The following XIRP2 variants were observed in gnomAD, a reference collection of about 807,000 sequenced individuals.
XIRP2 encodes xin actin binding repeat containing 2, also known as xin actin-binding repeat-containing protein 2.
In XIRP2, 236 loss-of-function variants were observed where a neutral mutation model predicts 277.0. The observed-to-expected ratio is 0.85, with a 90% CI of 0.77 to 0.95. The LOEUF is 0.95. Ranked by LOEUF, XIRP2 falls within the 40% of genes least tolerant of loss-of-function variation. XIRP2 has a pLI of 0.00. For missense variants in XIRP2, 4,640 were observed against 4,157.5 expected (o/e 1.12, Z -3.19); for synonymous variants, 1,490 against 1,416.5 (o/e 1.05, Z -1.17).
intron 2 of XIRP2, among the ~76,000 whole-genome samples, chr2:167,103,784 A>G (rs1445457126): frequency 6.6e-6 from 1 of 152,180 alleles, no homozygotes; most frequent in Non-Finnish European, 1.5e-5. Flanking sequence ...CCAGATTTGT[A>G]AAAACTCATG....
At chr2:166,986,436 T>C (rs1353199628) in intron 2 of XIRP2, among the ~76,000 whole-genome samples, 1 of 152,218 alleles carries the variant, frequency 6.6e-6, no homozygotes, top group African/African-American at 2.4e-5. Context: ...AAACTTGCAA[T>C]GTGGAATATT....
At chr2:167,162,082 C>T (rs1412075570) in intron 3 of XIRP2, among the ~76,000 whole-genome samples, 5 of 152,190 alleles carry the variant, frequency 3.3e-5, no homozygotes, top group Non-Finnish European at 7.3e-5. Flanking sequence ...AGTTTCTCAT[C>T]TACATCTGAG....
chr2:167,170,976 T>C (rs888784423), intron 3 of XIRP2, among the ~76,000 whole-genome samples: 2 of 146,076 alleles, frequency 1.4e-5, no homozygotes, highest in Non-Finnish European at 3.0e-5. Flanking sequence ...CTCAGCTCAC[T>C]GCACCCTCCG....
intron 2 of XIRP2, among the ~76,000 whole-genome samples, chr2:166,928,248 C>T (rs900160448): frequency 2.0e-5 from 3 of 151,974 alleles, no homozygotes; most frequent in Non-Finnish European, 4.4e-5. Context: ...AATGCAAAAC[C>T]GTGGAGAGAA....
chr2:167,052,405 G>A (rs1271385210), intron 2 of XIRP2, among the ~76,000 whole-genome samples: 1 of 152,040 alleles, frequency 6.6e-6, no homozygotes, highest in East Asian at 1.9e-4. Context: ...TGCCCTGATA[G>A]CATAGTAGAC....
chr2:167,070,543 T>C (rs1168748760), intron 2 of XIRP2, among the ~76,000 whole-genome samples: 1 of 152,206 alleles, frequency 6.6e-6, no homozygotes, highest in Admixed American at 6.5e-5. Flanking sequence ...ATTTAACATC[T>C]GAAAATAGTT....
rs1411108418 is a variant in XIRP2, at chr2:167,041,822, GC to G, written c.409-94086del. Among the ~76,000 whole-genome samples, 4 of 152,166 alleles carry G rather than the reference GC, an allele frequency of 2.6e-5. No individual in the cohort carries two copies. The South Asian group carries it at 8.3e-4, about 32-fold the overall frequency. On this transcript the variant is annotated intron_variant, in intron 2 of 10. Transcript: ENST00000409195. ...CCAACCACATTAGAGAGGGTGACAT[GC>G]AAATTCAGGAAATTCAAAGAAACAT...
intron 2 of XIRP2, among the ~76,000 whole-genome samples, chr2:167,133,368 A>G (rs1691442215): frequency 6.6e-6 from 1 of 152,180 alleles, no homozygotes; most frequent in South Asian, 2.1e-4. Flanking sequence ...GGCCCTGAAG[A>G]GCTTGCCTCA....
intron 2 of XIRP2, among the ~76,000 whole-genome samples, chr2:167,021,911 T>A (rs1194319051): frequency 1.3e-5 from 2 of 152,136 alleles, no homozygotes; most frequent in African/African-American, 2.4e-5. Context: ...TAGTATCAAC[T>A]ATCTTCATTG....
rs1416640329 is a variant in XIRP2, at chr2:167,149,701, G to A, written c.562+13639G>A. Among the ~76,000 whole-genome samples, 9 of 151,948 alleles carry A rather than the reference G, an allele frequency of 5.9e-5. 1 individual carries two copies. The South Asian group carries it at 1.0e-3, about 17-fold the overall frequency. On this transcript the variant is annotated intron_variant, in intron 3 of 10. Transcript: ENST00000409195. ...TGGAAAAAATATAGGAAATATTTAT[G>A]ACTTCAGAATAAGAAAGGAATTTAT...
rs1695444018 is a variant in XIRP2 at position 167,250,360 on chromosome 2, GAAGAT to G, written c.8973_8977del (p.Asp2991GlufsTer12). The G allele has an allele frequency of 6.2e-7, 1 of 1,613,540 alleles. No homozygotes were observed. ...TACTATCCCAGGATGGCTGATAAGTGAAGATAAGAGAGAATATGCAGTTCACATTG... is the reference window on the plus strand; with the variant it reads ...TACTATCCCAGGATGGCTGATAAGTGAAGAGAGAATATGCAGTTCACATTG... On this transcript the variant is annotated frameshift_variant, in exon 9 of 11. Transcript: ENST00000409195. LOFTEE classifies it high-confidence loss of function.
chr2:167,094,818 A>C lies in XIRP2; in HGVS notation c.409-41091A>C, dbSNP rs897703566. On this transcript the variant is annotated intron_variant, in intron 2 of 10. Transcript: ENST00000409195. Reference sequence around the variant, plus strand: ...AATGCGGGCTCTTTTTTGGTTCCATATGAACTTTAAAGTAGTTTTTTCTAA... The same window carrying C: ...AATGCGGGCTCTTTTTTGGTTCCATCTGAACTTTAAAGTAGTTTTTTCTAA... 2.0e-5 allele frequency among the ~76,000 whole-genome samples: 3 copies of C among 152,260 alleles called. No individual in the cohort carries two copies. The East Asian group carries it at 5.8e-4, about 29-fold the overall frequency.
chr2:167,198,693 G>T lies in XIRP2; in HGVS notation c.563-12042G>T, dbSNP rs368784239. ...ATACTATTTTTCAAAGTACATCACT[G>T]CTCTGAAAGAGTGAATTTACTTCCA... On this transcript the variant is annotated intron_variant, in intron 3 of 10. Coordinates refer to ENST00000409195, the MANE Select transcript of XIRP2 (RefSeq NM_152381.6). 4.6e-5 allele frequency among the ~76,000 whole-genome samples: 7 copies of T among 152,294 alleles called. No homozygotes were observed. In the East Asian group the frequency reaches 7.7e-4, roughly 17 times the overall value.
At position 167,045,398 on chromosome 2, in the gene XIRP2, C is replaced by T. The variant is rs1373207874; in HGVS notation, c.409-90511C>T. On this transcript the variant is annotated intron_variant, in intron 2 of 10. Coordinates refer to ENST00000409195, the MANE Select transcript of XIRP2 (RefSeq NM_152381.6). ...CAATTGCAACAAAAACAAAAACTGA[C>T]AAATGGGACTAATTAAACTAAAGAG... Among the ~76,000 whole-genome samples the T allele has an allele frequency of 2.0e-5, 3 of 151,950 alleles. No individual in the cohort carries two copies. In the South Asian group the frequency reaches 6.2e-4, roughly 32 times the overall value.
At chr2:167,205,297 G>A (rs932913002) in intron 3 of XIRP2, among the ~76,000 whole-genome samples, 9 of 152,124 alleles carry the variant, frequency 5.9e-5, no homozygotes, top group African/African-American at 2.2e-4. Flanking sequence ...ACCAATATTT[G>A]TTTAGTGAGA....
chr2:167,013,201 C>A (rs555540321), intron 2 of XIRP2, among the ~76,000 whole-genome samples: 1 of 151,256 alleles, frequency 6.6e-6, no homozygotes, highest in Non-Finnish European at 1.5e-5. Flanking sequence ...TTCTGTTCAC[C>A]TGTACAAGGA....
At position 167,245,618 on chromosome 2, in the gene XIRP2, G is replaced by C. The variant is rs779593458; in HGVS notation, c.4226G>C (p.Ser1409Thr). The change falls in exon 9 of 11, where the codon AGT becomes ACT. Residue 1409 changes from serine (S) to threonine (T), a missense_variant. Physicochemically the swap from Ser to Thr is moderately conservative, Grantham distance 58. Transcript: ENST00000409195. ...ISEESHNIMP[S>T]IDHIQGGNVK... The stretch of plus-strand genomic sequence containing the variant: ...GAAGAATCACATAATATTATGCCCA[G>C]TATTGACCATATACAAGGTGGCAAT... 4 of 1,613,608 alleles carry C rather than the reference G, an allele frequency of 2.5e-6. No homozygotes were observed. The Admixed American group carries it at 5.0e-5, about 20-fold the overall frequency.
intron 2 of XIRP2, among the ~76,000 whole-genome samples, chr2:167,091,814 C>G (rs1484275180): frequency 6.6e-6 from 1 of 152,042 alleles, no homozygotes; most frequent in Non-Finnish European, 1.5e-5. Context: ...TTTCATAACC[C>G]AATCAGGGAT....
At chr2:167,074,862 T>C (rs1355489007) in intron 2 of XIRP2, among the ~76,000 whole-genome samples, 1 of 152,092 alleles carries the variant, frequency 6.6e-6, no homozygotes, top group Non-Finnish European at 1.5e-5. Context: ...TGAGCTCAGA[T>C]CATCCACCTA....
Sources: allele counts gnomAD v4.1 joint callset (sites outside exome capture counted in the v4.1 genomes callset), GRCh38; gene constraint gnomAD v4.1.1; transcripts MANE v1.5; gene names NCBI Gene and HGNC (gene_info 2026-07-23, HGNC 2026-07-21).